TCEANC2: variants seen among roughly 807,000 people sequenced by gnomAD.
TCEANC2 encodes transcription elongation factor A N-terminal and central domain-containing protein 2.
In TCEANC2, 20 loss-of-function variants were observed where a neutral mutation model predicts 22.8. The ratio of observed to expected loss-of-function variants is 0.88; its 90% confidence interval spans 0.62 to 1.28. The LOEUF is 1.28. TCEANC2 is among the 50% of genes most tolerant of loss of function. The pLI, the probability that TCEANC2 is intolerant of heterozygous loss-of-function variation, is 0.00. For missense variants in TCEANC2, 251 were observed against 249.7 expected (o/e 1.01, Z -0.03); for synonymous variants, 84 against 95.5 (o/e 0.88, Z 0.70).
rs1658734697 is a variant in TCEANC2 at position 54,105,371 on chromosome 1, C to G, written c.*8898C>G. ...TCAAGGTTATGAAGGCCTGGCCCCA[C>G]TGCCTCAACTTGACAACTTGGAAGG... On this transcript the variant is annotated 3_prime_UTR_variant, in exon 5 of 5. Transcript: ENST00000234827. The G allele has an allele frequency of 6.6e-6, 1 of 152,290 alleles. No individual in the cohort carries two copies. Among genetic ancestry groups the G allele is most frequent in the Non-Finnish European group, 1.5e-5 (1 of 68,110 alleles). 9.4% of individuals were successfully genotyped at this position (152,290 alleles called of 1,614,324 possible). A position where few individuals can be genotyped will look rare whatever the true frequency, so the allele number is the denominator to read the frequency against.
Position 54,096,335 on chromosome 1 carries a change from C to T in TCEANC2, c.489C>T (p.Cys163=). The T allele has an allele frequency of 6.2e-7, 1 of 1,609,386 alleles. No homozygotes were observed. ...ENIERETFHL[C]SRLINGPYRR... is the part of the protein sequence containing the mutation. ...TTGAACGGGAAACGTTTCATCTCTG[C>T]TCCCGCCTCATTAATGGGCCGTACC... The change falls in exon 5 of 5, where the codon TGC becomes TGT. Residue 163 remains cysteine, a synonymous_variant. Coordinates refer to ENST00000234827, the MANE Select transcript of TCEANC2 (RefSeq NM_153035.3). This position sits in a 1 kb window ranked among gnomAD's most constrained non-coding sequence, Gnocchi z 4.9.
chr1:54,076,833 G>A (rs1658153129), intron 3 of TCEANC2, among the ~76,000 whole-genome samples: 1 of 152,164 alleles, frequency 6.6e-6, no homozygotes, highest in Admixed American at 6.5e-5. Flanking sequence ...TTCTAGTGAG[G>A]AGACAGGCAA....
intron 2 of TCEANC2, among the ~76,000 whole-genome samples, chr1:54,065,746 A>G (rs943300326): frequency 1.3e-5 from 2 of 151,520 alleles, no homozygotes; most frequent in Non-Finnish European, 2.9e-5. Context: ...TAAACACTCA[A>G]ATCATAGAAA....
intron 4 of TCEANC2, among the ~76,000 whole-genome samples, chr1:54,092,412 C>T (rs759529764): frequency 3.9e-5 from 6 of 152,120 alleles, no homozygotes; most frequent in Admixed American, 1.3e-4. Context: ...GCAGTGGAGC[C>T]CGCCTTTGTA....
chr1:54,100,242 C>G lies in TCEANC2; in HGVS notation c.*3769C>G, dbSNP rs1255968456. 1.3e-5 allele frequency: 2 copies of G among 152,040 alleles called. No individual in the cohort carries two copies. Among genetic ancestry groups the G allele is most frequent in the Non-Finnish European group, 2.9e-5 (2 of 68,018 alleles). The allele number at this position is 152,040 out of a possible 1,614,324, so 9.4% of individuals were successfully genotyped here. ...GACAGAGCAAGACTCACCTCAGTCT[C>G]AAAGATAAAATAAAATAAAAATAAA... On this transcript the variant is annotated 3_prime_UTR_variant, in exon 5 of 5. Transcript: ENST00000234827.
chr1:54,062,204 T>A lies in TCEANC2; in HGVS notation c.103-6552T>A, dbSNP rs184216538. 1.4e-4 allele frequency among the ~76,000 whole-genome samples: 22 copies of A among 152,314 alleles called. No individual in the cohort carries two copies. In the East Asian group the frequency reaches 4.0e-3, roughly 28 times the overall value. On this transcript the variant is annotated intron_variant, in intron 2 of 4. Transcript: ENST00000234827. ...TTTGTCAAACCTGACATTTCAGCAA[T>A]CCACAACTGTAAAACCAGATGGTAT...
At chr1:54,054,560 A>G in intron 2 of TCEANC2, 36 bp downstream of exon 2, 1 of 1,581,606 alleles carries the variant, frequency 6.3e-7, no homozygotes. Context: ...AAATGTGCAA[A>G]GGACTGATAG....
chr1:54,087,676 C>G (rs566680638), intron 3 of TCEANC2, among the ~76,000 whole-genome samples: 1 of 152,102 alleles, frequency 6.6e-6, no homozygotes, highest in East Asian at 1.9e-4. Context: ...TTGAATCACA[C>G]GTCGCATTTG....
chr1:54,072,097 C>T (rs1005796872), intron 3 of TCEANC2, among the ~76,000 whole-genome samples: 10 of 152,180 alleles, frequency 6.6e-5, no homozygotes, highest in Admixed American at 1.3e-4. Flanking sequence ...CATGTGTGAG[C>T]CACTATGCCT....
chr1:54,075,907 G>A (rs1388710651), intron 3 of TCEANC2, among the ~76,000 whole-genome samples: 2 of 151,818 alleles, frequency 1.3e-5, no homozygotes, highest in East Asian at 3.9e-4. Flanking sequence ...CTAGCTACTC[G>A]GGAGGCTGAG....
Position 54,099,932 on chromosome 1 carries a change from T to A in TCEANC2, c.*3459T>A, listed in dbSNP as rs575857964. ...CTCTAATAGCTTATTGATGCTTTTC[T>A]TGTAGTGGTTAATTTGGAGGTCCTG... is the stretch of plus-strand genomic sequence containing the variant. On this transcript the variant is annotated 3_prime_UTR_variant, in exon 5 of 5. Transcript: ENST00000234827. 1 of 152,164 alleles carries A rather than the reference T, an allele frequency of 6.6e-6. No individual in the cohort carries two copies. Among genetic ancestry groups the A allele is most frequent in the South Asian group, 2.1e-4 (1 of 4,822 alleles). 9.4% of individuals were successfully genotyped at this position (152,164 alleles called of 1,614,324 possible).
rs1175058480 is a variant in TCEANC2, at chr1:54,097,748, A to T, written c.*1275A>T. On this transcript the variant is annotated 3_prime_UTR_variant, in exon 5 of 5. Transcript: ENST00000234827. ...TTTAGCAACCATTTCCTGAGCATCC[A>T]TTCTGTGGGGTAGGTGTATACTGAG... 1 of 152,178 alleles carries T rather than the reference A, an allele frequency of 6.6e-6. No individual in the cohort carries two copies. Among genetic ancestry groups the T allele is most frequent in the African/African-American group, 2.4e-5 (1 of 41,428 alleles). 9.4% of individuals were successfully genotyped at this position (152,178 alleles called of 1,614,324 possible). A position where few individuals can be genotyped will look rare whatever the true frequency, so the allele number is the denominator to read the frequency against.
intron 2 of TCEANC2, among the ~76,000 whole-genome samples, chr1:54,067,779 T>C (rs1657985175): frequency 6.6e-6 from 1 of 152,190 alleles, no homozygotes; most frequent in Admixed American, 6.5e-5. Flanking sequence ...TGTAGAAAAC[T>C]GCACAAATTG....
chr1:54,094,824 A>G (rs1272497096), intron 4 of TCEANC2, among the ~76,000 whole-genome samples: 2 of 152,238 alleles, frequency 1.3e-5, no homozygotes. Context: ...GGAATTTTCT[A>G]CTAGGAGAGA....
At chr1:54,086,079 T>G (rs745653580) in intron 3 of TCEANC2, among the ~76,000 whole-genome samples, 14 of 152,156 alleles carry the variant, frequency 9.2e-5, no homozygotes, top group Non-Finnish European at 1.5e-4. Context: ...TTCCATCTCA[T>G]AATAAGGTAT....
intron 4 of TCEANC2, among the ~76,000 whole-genome samples, chr1:54,094,562 C>T (rs746108628): frequency 2.0e-4 from 30 of 152,174 alleles, no homozygotes; most frequent in Non-Finnish European, 5.9e-5. Context: ...TTCTCCACAG[C>T]GCTGGTTCCT....
chr1:54,110,870 T>C (rs1159393183), downstream of TCEANC2, among the ~76,000 whole-genome samples: 1 of 152,134 alleles, frequency 6.6e-6, no homozygotes, highest in Admixed American at 6.5e-5. Flanking sequence ...AGGTGACTTC[T>C]TGTCCTTCAG....
At position 54,105,854 on chromosome 1, in the gene TCEANC2, C is replaced by T. The variant is rs907289697; in HGVS notation, c.*9381C>T. On this transcript the variant is annotated 3_prime_UTR_variant, in exon 5 of 5. Transcript: ENST00000234827. ...CAGGATGGTCTTGATCTCTTGACCT[C>T]GTGATCCGCGCTCCTCGGCCTCCCA... 2.8e-4 allele frequency: 43 copies of T among 152,082 alleles called. No individual in the cohort carries two copies. The highest frequency in any genetic ancestry group is 8.7e-4 in the African/African-American group (36 of 41,378). 9.4% of individuals were successfully genotyped at this position (152,082 alleles called of 1,614,324 possible).
intron 2 of TCEANC2, among the ~76,000 whole-genome samples, chr1:54,060,446 A>G (rs968392592): frequency 6.7e-6 from 1 of 148,776 alleles, no homozygotes; most frequent in Admixed American, 6.7e-5. Context: ...GCATGCGCCT[A>G]TGGTCCTAGC....
Sources: allele counts gnomAD v4.1 joint callset (sites outside exome capture counted in the v4.1 genomes callset), GRCh38; gene constraint gnomAD v4.1.1; non-coding constraint Gnocchi (gnomAD v3.1); transcripts MANE v1.5; gene names NCBI Gene and HGNC (gene_info 2026-07-23, HGNC 2026-07-21).